ZNF718: variants seen among roughly 807,000 people sequenced by gnomAD.
The protein encoded by ZNF718 is zinc finger protein 718.
ZNF718 carries 3 observed loss-of-function variants against 2.6 expected under a neutral mutation model. The observed-to-expected ratio is 1.16, with a 90% CI of 0.53 to 3.01. The LOEUF (loss-of-function observed/expected upper bound fraction) is 3.01. ZNF718 is among the 30% of genes most tolerant of loss of function. The probability of loss-of-function intolerance (pLI) is 0.03; values close to 1 mark genes in which losing one functional copy is unlikely to be tolerated. For missense variants in ZNF718, 468 were observed against 230.0 expected (o/e 2.03, Z -6.69); for synonymous variants, 135 against 77.9 (o/e 1.73, Z -3.86).
At chr4:139,696 T>A (rs1315827462) in intron 3 of ZNF718, among the ~76,000 whole-genome samples, 1 of 152,246 alleles carries the variant, frequency 6.6e-6, no homozygotes. Context: ...CACCTACAAC[T>A]GGTAACGTAT....
chr4:140,080 A>T (rs1233921226), intron 3 of ZNF718, among the ~76,000 whole-genome samples: 2 of 151,800 alleles, frequency 1.3e-5, no homozygotes, highest in Non-Finnish European at 2.9e-5. Context: ...TTCAGAGCAA[A>T]CTCGCACATG....
At chr4:152,600 A>G (rs1449279889) in intron 3 of ZNF718, among the ~76,000 whole-genome samples, 4 of 151,910 alleles carry the variant, frequency 2.6e-5, no homozygotes, top group African/African-American at 7.3e-5. Flanking sequence ...GATTAACAAA[A>G]TCTCAAGGCA....
chr4:146,773 G>GTT (rs150115499), intron 3 of ZNF718, among the ~76,000 whole-genome samples: 17 of 145,190 alleles, frequency 1.2e-4, no homozygotes, highest in South Asian at 2.1e-4. Context: ...TTGCTGGGGT[G>GTT]TTTTTTTTTT....
chr4:143,862 G>T (rs1452735568), intron 3 of ZNF718, among the ~76,000 whole-genome samples: 1 of 151,942 alleles, frequency 6.6e-6, no homozygotes, highest in African/African-American at 2.4e-5. Context: ...AATAGACAGG[G>T]ACTATGCCCC....
At chr4:143,549 G>A (rs1581436103) in intron 3 of ZNF718, among the ~76,000 whole-genome samples, 1 of 152,126 alleles carries the variant, frequency 6.6e-6, no homozygotes, top group African/African-American at 2.4e-5. Context: ...CATACACTAG[G>A]CACCAACAGA....
chr4:156,316 T>C (rs112866102), intron 3 of ZNF718, among the ~76,000 whole-genome samples: 2 of 152,202 alleles, frequency 1.3e-5, no homozygotes, highest in Non-Finnish European at 2.9e-5. Flanking sequence ...TTTGTGTGTA[T>C]ACAATGATCA....
At chr4:160,699 A>G (rs1245925219) in intron 3 of ZNF718, among the ~76,000 whole-genome samples, 1 of 151,992 alleles carries the variant, frequency 6.6e-6, no homozygotes, top group African/African-American at 2.4e-5. Context: ...ATAGGCATGC[A>G]CCATCATTCC....
chr4:183,662 TG>T (rs1451177027), intron 3 of ZNF718, among the ~76,000 whole-genome samples: 1 of 152,202 alleles, frequency 6.6e-6, no homozygotes, highest in Admixed American at 6.5e-5. Context: ...TCCATTTGTT[TG>T]TGTCACCTCT....
At chr4:165,226 T>C (rs929047725), downstream of ZNF718, among the ~76,000 whole-genome samples, 18 of 152,280 alleles carry the variant, frequency 1.2e-4, no homozygotes, top group African/African-American at 4.3e-4. Context: ...ATGTGGTAAA[T>C]TACTGTTTTT....
At chr4:190,937 G>A (rs1333533107) in intron 3 of ZNF718, among the ~76,000 whole-genome samples, 3 of 151,830 alleles carry the variant, frequency 2.0e-5, no homozygotes, top group Admixed American at 6.6e-5. Flanking sequence ...TACTTGGGAG[G>A]CTGAGGAAGG....
intron 3 of ZNF718, among the ~76,000 whole-genome samples, chr4:177,201 C>T (rs1013089233): frequency 1.4e-4 from 21 of 152,320 alleles, no homozygotes; most frequent in African/African-American, 4.6e-4. Context: ...CAACTTTCCA[C>T]AACCCATCTC....
rs187994652 is a variant in ZNF718 at position 163,281 on chromosome 4, T to G, written c.*1159T>G. The stretch of plus-strand genomic sequence containing the variant: ...GCTCACTGCAAGCTCTGCCTCCCCC[T>G]GGGTTCACGCCATTCTCCTGCCTCA... On this transcript the variant is annotated 3_prime_UTR_variant, in exon 4 of 4. Coordinates refer to ENST00000510175, the MANE Select transcript of ZNF718 (RefSeq NM_001039127.6). 1 of 151,484 alleles carries G rather than the reference T, an allele frequency of 6.6e-6. No homozygotes were observed. Among genetic ancestry groups the G allele is most frequent in the African/African-American group, 2.4e-5 (1 of 41,210 alleles). The allele number at this position is 151,484 out of a possible 1,614,324, so 9.4% of individuals were successfully genotyped here.
chr4:175,641 C>G (rs1196351953), intron 3 of ZNF718, among the ~76,000 whole-genome samples: 3 of 152,062 alleles, frequency 2.0e-5, no homozygotes, highest in African/African-American at 7.2e-5. Flanking sequence ...ATTTATTTTA[C>G]TTTTGGTTGC....
At chr4:188,679 G>C (rs566565538) in intron 3 of ZNF718, among the ~76,000 whole-genome samples, 1 of 152,324 alleles carries the variant, frequency 6.6e-6, no homozygotes, top group South Asian at 2.1e-4. Flanking sequence ...AACTCTGTGT[G>C]TCAGGCCCAA....
chr4:157,454 G>C (rs1716626473), intron 3 of ZNF718, among the ~76,000 whole-genome samples: 1 of 151,936 alleles, frequency 6.6e-6, no homozygotes, highest in Non-Finnish European at 1.5e-5. Context: ...GTGCTACATT[G>C]TCTCTCGAAA....
rs562077416 is a variant in ZNF718 at position 138,074 on chromosome 4, G to A, written c.226+6569G>A. Among the ~76,000 whole-genome samples, 106 of 152,274 alleles carry A rather than the reference G, an allele frequency of 7.0e-4. 1 individual carries two copies. In the South Asian group the frequency reaches 0.021, roughly 30 times the overall value. ...AGATATTTTGATGTAGGCATGAAATGCATAAAAATCATATCAGGGTAAATG... is the reference window on the plus strand; with the variant it reads ...AGATATTTTGATGTAGGCATGAAATACATAAAAATCATATCAGGGTAAATG... On this transcript the variant is annotated intron_variant, in intron 3 of 3. Transcript: ENST00000510175.
intron 3 of ZNF718, among the ~76,000 whole-genome samples, chr4:176,207 A>G (rs529334455): frequency 6.6e-6 from 1 of 152,250 alleles, no homozygotes; most frequent in South Asian, 2.1e-4. Flanking sequence ...GCTGTGCATG[A>G]ATTCCATTCA....
chr4:195,066 ATTGCCTT>A (rs1717765034), intron 3 of ZNF718, among the ~76,000 whole-genome samples: 2 of 152,210 alleles, frequency 1.3e-5, no homozygotes, highest in African/African-American at 4.8e-5. Flanking sequence ...AGTGCCCAAC[ATTGCCTT>A]TGTGCTCAGG....
intron 3 of ZNF718, among the ~76,000 whole-genome samples, chr4:186,056 T>A (rs1717560805): frequency 6.6e-6 from 1 of 152,106 alleles, no homozygotes; most frequent in African/African-American, 2.4e-5. Context: ...GCTGGTTATT[T>A]TATAGACTTG....
Sources: gnomAD v4.1 joint callset for allele counts (sites outside exome capture counted in the v4.1 genomes callset) on GRCh38, gnomAD v4.1.1 for gene constraint, MANE v1.5 for transcripts, NCBI Gene and HGNC (gene_info 2026-07-23, HGNC 2026-07-21) for gene names.